Variants in PLEKHD1 observed in about 807,000 individuals in gnomAD.
PLEKHD1 encodes the protein pleckstrin homology domain-containing family D member 1.
In PLEKHD1, 51 loss-of-function variants were observed where a neutral mutation model predicts 69.2. The observed-to-expected ratio is 0.74, with a 90% confidence interval of 0.59 to 0.93. The LOEUF is 0.93. Among genes scored for constraint, PLEKHD1 ranks in the 40% least tolerant of loss-of-function variants. The probability of loss-of-function intolerance (pLI) is 0.00; values close to 1 mark genes in which losing one functional copy is unlikely to be tolerated. For missense variants in PLEKHD1, 584 were observed against 641.0 expected, an observed-to-expected ratio of 0.91 and a Z score of 0.96; for synonymous variants, 236 against 244.7, an observed-to-expected ratio of 0.96 and a Z score of 0.33.
rs1172355341 is a variant in PLEKHD1 at position 69,500,664 on chromosome 14, C to T, written c.331C>T (p.His111Tyr). 1 of 1,551,046 alleles carries T rather than the reference C, an allele frequency of 6.4e-7. No homozygotes were observed. The highest frequency in any genetic ancestry group is 1.4e-5 in the African/African-American group (1 of 73,062). The change falls in exon 3 of 13, where the codon CAT becomes TAT. Residue 111 changes from histidine (H) to tyrosine (Y), a missense_variant and splice_region_variant. His to Tyr is a moderately conservative substitution (Grantham distance 83). Coordinates refer to ENST00000322564, the MANE Select transcript of PLEKHD1 (RefSeq NM_001161498.2). Reference protein sequence around the residue: ...YAMKISHQDFHGNILLAAESE... With the variant: ...YAMKISHQDFYGNILLAAESE... ...CATGAAGATCTCCCACCAGGACTTC[C>T]ATGTGAGTAAAGCTCTTCCCTCAGC... is the stretch of plus-strand genomic sequence containing the variant.
chr14:69,526,580 T>C, intron 9 of PLEKHD1, 117 bp from the exon 10 acceptor site: 1 of 1,272,044 alleles, frequency 7.9e-7, no homozygotes, highest in Non-Finnish European at 1.0e-6. Context: ...GTTCAGGGGC[T>C]CATAAAGCCT....
the PLEKHD1 span, among the ~76,000 whole-genome samples, chr14:69,476,645 A>G: frequency 6.6e-6 from 1 of 152,208 alleles, no homozygotes; most frequent in East Asian, 1.9e-4. Flanking sequence ...TTTTGGGAAT[A>G]AGAGAAGCAT....
At chr14:69,478,845 C>A in the PLEKHD1 span, among the ~76,000 whole-genome samples, 1 of 152,200 alleles carries the variant, frequency 6.6e-6, no homozygotes, top group South Asian at 2.1e-4. Context: ...ACCGTTCCAA[C>A]CTCTGTCTGT....
chr14:69,472,136 C>T, the PLEKHD1 span, among the ~76,000 whole-genome samples: 1 of 152,288 alleles, frequency 6.6e-6, no homozygotes, highest in South Asian at 2.1e-4. Context: ...TGGTCACATG[C>T]CCACTCGGTC....
At chr14:69,471,073 G>A in the PLEKHD1 span, among the ~76,000 whole-genome samples, 2 of 142,226 alleles carry the variant, frequency 1.4e-5, no homozygotes, top group South Asian at 2.3e-4. Context: ...TTACAGGCGT[G>A]AGCCACCGTG....
At chr14:69,513,426 A>C (rs1053754822) in intron 6 of PLEKHD1, among the ~76,000 whole-genome samples, 1 of 152,194 alleles carries the variant, frequency 6.6e-6, no homozygotes, top group African/African-American at 2.4e-5. Context: ...AGTGAGGTAC[A>C]GAAGCAGCAA....
Position 69,528,168 on chromosome 14 carries a change from G to C in PLEKHD1, c.1352-82G>C, listed in dbSNP as rs1242539276. 3.3e-6 allele frequency: 5 copies of C among 1,494,048 alleles called. No individual in the cohort carries two copies. In the African/African-American group the frequency reaches 5.6e-5, roughly 17 times the overall value. The allele number at this position is 1,494,048 out of a possible 1,614,324, so 92.5% of individuals were successfully genotyped here. On this transcript the variant is annotated intron_variant, in intron 12 of 12. Coordinates refer to ENST00000322564, the MANE Select transcript of PLEKHD1 (RefSeq NM_001161498.2). ...GCTTGGCACACATAAAGGAGTGAGG[G>C]GGTGGCATGAGGCTGGGGACAGGGC...
chr14:69,497,278 G>A (rs1882909958), intron 1 of PLEKHD1, among the ~76,000 whole-genome samples: 1 of 152,224 alleles, frequency 6.6e-6, no homozygotes, highest in Non-Finnish European at 1.5e-5. Context: ...ACCCCAGCCG[G>A]AAAATGTCAG....
At chr14:69,519,542 A>T (rs1245230740) in intron 6 of PLEKHD1, among the ~76,000 whole-genome samples, 2 of 152,166 alleles carry the variant, frequency 1.3e-5, no homozygotes, top group African/African-American at 4.8e-5. Flanking sequence ...CTGGGGAAGG[A>T]AGGGAATTCC....
At chr14:69,500,757 G>T in intron 3 of PLEKHD1, 91 bp downstream of exon 3, 1 of 1,522,488 alleles carries the variant, frequency 6.6e-7, no homozygotes, top group Non-Finnish European at 8.9e-7. Context: ...TCCTGGCCTG[G>T]GAGAGGGGCA....
Position 69,530,139 on chromosome 14 carries a change from T to C in PLEKHD1, c.*1720T>C, listed in dbSNP as rs1883759306. ...AAGAACCTGGGAGCCCACAACCTAT[T>C]CTGTGGGAAGAGGAGCATTGTTGCC... On this transcript the variant is annotated 3_prime_UTR_variant, in exon 13 of 13. Coordinates refer to ENST00000322564, the MANE Select transcript of PLEKHD1 (RefSeq NM_001161498.2). The C allele has an allele frequency of 6.6e-6, 1 of 152,240 alleles. No homozygotes were observed. Among genetic ancestry groups the C allele is most frequent in the South Asian group, 2.1e-4 (1 of 4,828 alleles). 9.4% of individuals were successfully genotyped at this position (152,240 alleles called of 1,614,324 possible).
At chr14:69,496,193 C>A (rs557770914) in intron 1 of PLEKHD1, among the ~76,000 whole-genome samples, 2 of 152,338 alleles carry the variant, frequency 1.3e-5, no homozygotes, top group Non-Finnish European at 2.9e-5. Flanking sequence ...GCCCTGTGCT[C>A]TCCTTGCCAT....
intron 2 of PLEKHD1, 41 bp from the exon 3 acceptor site, chr14:69,500,536 G>T: frequency 1.3e-6 from 2 of 1,496,258 alleles, no homozygotes; most frequent in South Asian, 1.3e-5. Flanking sequence ...AGTGACCCCA[G>T]TTGGGTGGGG....
At chr14:69,482,190 A>G (rs1384944512), upstream of PLEKHD1, among the ~76,000 whole-genome samples, 1 of 152,206 alleles carries the variant, frequency 6.6e-6, no homozygotes, top group Non-Finnish European at 1.5e-5. Flanking sequence ...TTTGTCATTG[A>G]AGAAACCTGT....
intron 1 of PLEKHD1, among the ~76,000 whole-genome samples, chr14:69,490,203 G>T (rs961934732): frequency 2.0e-5 from 3 of 152,164 alleles, no homozygotes; most frequent in Admixed American, 6.5e-5. Context: ...TTGGCACCAG[G>T]TGCCATGACT....
chr14:69,502,798 CAT>C (rs1491159325), intron 5 of PLEKHD1, 27 bp from the exon 6 acceptor site: 37 of 1,550,324 alleles, frequency 2.4e-5, no homozygotes, highest in Non-Finnish European at 3.2e-5. Flanking sequence ...ATTGTGTGTG[CAT>C]GTGTGTGTGT....
chr14:69,486,946 TG>T (rs1206228538), intron 1 of PLEKHD1, among the ~76,000 whole-genome samples: 1 of 152,188 alleles, frequency 6.6e-6, no homozygotes, highest in Non-Finnish European at 1.5e-5. Flanking sequence ...TCCACTACCG[TG>T]GCCCCCAAAG....
the PLEKHD1 span, among the ~76,000 whole-genome samples, chr14:69,475,173 T>C: frequency 6.6e-6 from 1 of 152,266 alleles, no homozygotes; most frequent in East Asian, 1.9e-4. Context: ...GCCAGCATCT[T>C]GGCTTTCCCT....
intron 6 of PLEKHD1, among the ~76,000 whole-genome samples, chr14:69,508,575 C>T (rs928886877): frequency 1.3e-5 from 2 of 152,250 alleles, no homozygotes; most frequent in South Asian, 2.1e-4. Context: ...CCACCATGCA[C>T]GGCTAATTTT....
Sources: gnomAD v4.1 joint callset for allele counts (sites outside exome capture counted in the v4.1 genomes callset) on GRCh38, gnomAD v4.1.1 for gene constraint, MANE v1.5 for transcripts, NCBI Gene and HGNC (gene_info 2026-07-23, HGNC 2026-07-21) for gene names.